The following PIGR variants were observed in gnomAD, a reference collection of about 807,000 sequenced individuals.
PIGR encodes polymeric immunoglobulin receptor, also known as hepatocellular carcinoma associated protein TB6.
In PIGR, 22 loss-of-function variants were observed where a neutral mutation model predicts 69.5. That is an observed-to-expected ratio of 0.32 (90% CI 0.23 to 0.45). The LOEUF (loss-of-function observed/expected upper bound fraction) is 0.45. Among genes scored for constraint, PIGR ranks in the 20% least tolerant of loss-of-function variants. The pLI is 1.00. For missense variants in PIGR, 885 were observed against 974.0 expected (o/e 0.91, Z 1.22); for synonymous variants, 413 against 407.6 (o/e 1.01, Z -0.16).
chr1:206,945,776 A>G (rs1318961557), intron 1 of PIGR, among the ~76,000 whole-genome samples: 1 of 152,232 alleles, frequency 6.6e-6, no homozygotes, highest in Non-Finnish European at 1.5e-5. Flanking sequence ...CTTTATGCGC[A>G]CTATCTAATT....
In PIGR at chr1:206,935,679, G is replaced by A; in HGVS notation, c.1185C>T (p.Cys395=). 6.2e-7 allele frequency: 1 copy of A among 1,613,940 alleles called. No homozygotes were observed. Among genetic ancestry groups the A allele is most frequent in the Admixed American group, 1.7e-5 (1 of 60,002 alleles). ...ACCCCTCGCTGTCCACCAGCAGGGG[G>A]CAGCGGCCATTCTGGGCCCCTTCCC... ...CLWEGAQNGR[C]PLLVDSEGWV... is the part of the protein sequence containing the mutation. The change falls in exon 5 of 11, where the codon TGC becomes TGT. Residue 395 remains cysteine, a synonymous_variant. Transcript: ENST00000356495. This position sits in a 1 kb window ranked among gnomAD's most constrained non-coding sequence, Gnocchi z 4.4.
At position 206,935,808 on chromosome 1, in the gene PIGR, A is replaced by G; in HGVS notation, c.1056T>C (p.Ile352=). The change falls in exon 5 of 11, where the codon ATT becomes ATC. Residue 352 remains isoleucine (I), a synonymous_variant. Transcript: ENST00000356495. The surrounding 1 kb of genome is among the most constrained non-coding windows in gnomAD (Gnocchi z 4.4). ...CCTTCACCACAGTGGGGCTGCGGGGAATCGTGGACTCTGGAAGCACAGACA... is the reference window on the plus strand; with the variant it reads ...CCTTCACCACAGTGGGGCTGCGGGGGATCGTGGACTCTGGAAGCACAGACA... ...WQLFVNEEST[I]PRSPTVVKGV... The G allele has an allele frequency of 6.3e-7, 1 of 1,598,440 alleles. No homozygotes were observed.
At chr1:206,942,895 G>C (rs1336982511) in intron 1 of PIGR, among the ~76,000 whole-genome samples, 2 of 152,216 alleles carry the variant, frequency 1.3e-5, no homozygotes, top group African/African-American at 4.8e-5. Context: ...TCCTAGATGG[G>C]ATGATTGGCA....
At chr1:206,939,545 G>T in intron 2 of PIGR, 82 bp from the exon 3 acceptor site, 1 of 929,156 alleles carries the variant, frequency 1.1e-6, no homozygotes, top group East Asian at 2.4e-5. Flanking sequence ...AGTAGATGTG[G>T]TTTTCTACCT....
At chr1:206,943,025 C>G (rs567618419) in intron 1 of PIGR, among the ~76,000 whole-genome samples, 2 of 152,160 alleles carry the variant, frequency 1.3e-5, no homozygotes, top group Non-Finnish European at 2.9e-5. Context: ...ATTACAGACC[C>G]CTTCCTCTCA....
Position 206,937,311 on chromosome 1 carries a change from C to T in PIGR, c.829G>A (p.Glu277Lys). 1 of 1,613,094 alleles carries T rather than the reference C, an allele frequency of 6.2e-7. No homozygotes were observed. Among genetic ancestry groups the T allele is most frequent in the Non-Finnish European group, 8.5e-7 (1 of 1,179,406 alleles). ...GTGTTGACGACCACGTCACAGTTTT[C>T]CCCACTGCTCTGTCGGCACAGAAAT... Reference protein sequence around the residue: ...AKFLCRQSSGENCDVVVNTLG... With the variant: ...AKFLCRQSSGKNCDVVVNTLG... Residue 277 changes from glutamate (E) to lysine (K), a missense_variant, in exon 4 of 11, where the codon GAA becomes AAA. Physicochemically the swap from Glu to Lys is moderately conservative, Grantham distance 56. Coordinates refer to ENST00000356495, the MANE Select transcript of PIGR (RefSeq NM_002644.4).
At chr1:206,931,919 C>A in intron 8 of PIGR, 117 bp from the exon 9 acceptor site, 3 of 1,130,288 alleles carry the variant, frequency 2.7e-6, no homozygotes, top group South Asian at 2.6e-5. Context: ...TGAGGTGGTG[C>A]AGCTCTGACT....
At chr1:206,939,654 T>C (rs56152579) in intron 2 of PIGR, among the ~76,000 whole-genome samples, 191 bp from the exon 3 acceptor site, 4,157 of 152,332 alleles carry the variant, frequency 0.027, 173 homozygotes, top group African/African-American at 0.092. Flanking sequence ...AAATTGGAAT[T>C]GTTATTCATT....
rs2102595704 is a variant in PIGR at position 206,930,538 on chromosome 1, C to T, written c.2200-125G>A. The T allele has an allele frequency of 8.0e-6, 11 of 1,370,050 alleles. No individual in the cohort carries two copies. The highest frequency in any genetic ancestry group is 9.4e-6 in the Non-Finnish European group (10 of 1,058,414). The allele number at this position is 1,370,050 out of a possible 1,614,324, so 84.9% of individuals were successfully genotyped here. On this transcript the variant is annotated intron_variant, in intron 10 of 10. Transcript: ENST00000356495. The surrounding 1 kb of genome is among the most constrained non-coding windows in gnomAD (Gnocchi z 4.3). ...TCCAAGCAACACAAGCCTTTGGGGC[C>T]CACTGTTCTCATCCCAGCCCCCATG...
chr1:206,931,667 A>G lies in PIGR; in HGVS notation c.2140+4T>C. 2 of 1,614,078 alleles carry G rather than the reference A, an allele frequency of 1.2e-6. No individual in the cohort carries two copies. Among genetic ancestry groups the G allele is most frequent in the South Asian group, 1.1e-5 (1 of 91,072 alleles). On this transcript the variant is annotated splice_donor_region_variant and intron_variant, in intron 9 of 10. Transcript: ENST00000356495. ...CTGAGCATTCCCTTGAGTGAGGGTC[A>G]TACCTTCTTTTCCTCCGAGGGATGT... is the stretch of plus-strand genomic sequence containing the variant.
In PIGR at chr1:206,934,758, A is replaced by G. The variant is rs1679832099; in HGVS notation, c.1379-12T>C. 1 of 1,592,460 alleles carries G rather than the reference A, an allele frequency of 6.3e-7. No homozygotes were observed. The highest frequency in any genetic ancestry group is 2.2e-5 in the East Asian group (1 of 44,774). On this transcript the variant is annotated splice_polypyrimidine_tract_variant and intron_variant, in intron 5 of 10. Transcript: ENST00000356495. Reference sequence around the variant, plus strand: ...GAGGTTTGGTTCTCCTGGAGGAGGGAGGGAGGTAGAAATAAACACAGAAGT... The same window carrying G: ...GAGGTTTGGTTCTCCTGGAGGAGGGGGGGAGGTAGAAATAAACACAGAAGT...
In PIGR at chr1:206,933,018, G is replaced by A. The variant is rs188225771; in HGVS notation, c.1854C>T (p.Ala618=). The A allele has an allele frequency of 7.2e-5, 116 of 1,614,142 alleles. No homozygotes were observed. In the African/African-American group the frequency reaches 8.0e-4, roughly 11 times the overall value. The change falls in exon 7 of 11, where the codon GCC becomes GCT. Residue 618 remains alanine, a synonymous_variant. Coordinates refer to ENST00000356495, the MANE Select transcript of PIGR (RefSeq NM_002644.4). ...AATCCACAGATGCTCTGCTCCCATC[G>A]GCTTGATCTCTTGTATCTGCCACCG... ...EKAVADTRDQ[A]DGSRASVDSG...
intron 3 of PIGR, among the ~76,000 whole-genome samples, chr1:206,938,092 C>A (rs1193994924): frequency 6.6e-6 from 1 of 152,266 alleles, no homozygotes; most frequent in Non-Finnish European, 1.5e-5. Flanking sequence ...TCTGCTGTGA[C>A]AAGCACAATG....
rs774458885 is a variant in PIGR, at chr1:206,933,091, A to C, written c.1781T>G (p.Ile594Ser). 2 of 1,613,914 alleles carry C rather than the reference A, an allele frequency of 1.2e-6. No homozygotes were observed. Among genetic ancestry groups the C allele is most frequent in the Non-Finnish European group, 1.7e-6 (2 of 1,180,020 alleles). ...GGGATCCTGAATGGCTTTGTTCTCA[A>C]TCTCCCGAAAACCAGAGTCTAGCAC... ...EKVLDSGFRE[I>S]ENKAIQDPRL... Residue 594 changes from isoleucine to serine, a missense_variant, in exon 7 of 11, where the codon ATT (isoleucine) becomes AGT (serine). Ile to Ser is a moderately radical substitution (Grantham distance 142). Transcript: ENST00000356495.
At chr1:206,936,971 T>C in intron 4 of PIGR, 124 bp downstream of exon 4, 1 of 951,074 alleles carries the variant, frequency 1.1e-6, no homozygotes. Context: ...AGTTCGGGGC[T>C]GGTCATTGAG....
At chr1:206,937,861 G>T in intron 3 of PIGR, 110 bp from the exon 4 acceptor site, 1 of 946,404 alleles carries the variant, frequency 1.1e-6, no homozygotes, top group Non-Finnish European at 1.6e-6. Flanking sequence ...CTTATAACCT[G>T]GAATGCCCTC....
chr1:206,933,229 A>G, intron 6 of PIGR, 63 bp from the exon 7 acceptor site: 1 of 1,537,622 alleles, frequency 6.5e-7, no homozygotes, highest in South Asian at 1.2e-5. Flanking sequence ...CCTCGAGGTG[A>G]AGGAGTCTGG....
Position 206,934,556 on chromosome 1 carries a change from G to A in PIGR, c.1569C>T (p.Asn523=). The A allele has an allele frequency of 6.2e-7, 1 of 1,614,268 alleles. No homozygotes were observed. Among genetic ancestry groups the A allele is most frequent in the South Asian group, 1.1e-5 (1 of 91,092 alleles). Reference sequence around the variant, plus strand: ...TCAGGGTCAGGGAGACAAGCCGGCTGTTCTCGTCACAGTTCACGAAGGCCT... The same window carrying A: ...TCAGGGTCAGGGAGACAAGCCGGCTATTCTCGTCACAGTTCACGAAGGCCT... ...PSKAFVNCDE[N]SRLVSLTLNL... is the part of the protein sequence containing the mutation. The change falls in exon 6 of 11, where the codon AAC becomes AAT. Residue 523 remains asparagine, a synonymous_variant. Transcript: ENST00000356495.
chr1:206,934,766 A>G lies in PIGR; in HGVS notation c.1379-20T>C. ...GTTCTCCTGGAGGAGGGAGGGAGGT[A>G]GAAATAAACACAGAAGTTGGTACTT... On this transcript the variant is annotated intron_variant, in intron 5 of 10. Transcript: ENST00000356495. 1 of 1,576,272 alleles carries G rather than the reference A, an allele frequency of 6.3e-7. No homozygotes were observed.
Sources: allele counts gnomAD v4.1 joint callset (sites outside exome capture counted in the v4.1 genomes callset), GRCh38; gene constraint gnomAD v4.1.1; non-coding constraint Gnocchi (gnomAD v3.1); transcripts MANE v1.5; gene names NCBI Gene and HGNC (gene_info 2026-07-23, HGNC 2026-07-21).